The following FBXL5 variants were observed in gnomAD, a reference collection of about 807,000 sequenced individuals.
FBXL5 encodes F-box and leucine rich repeat protein 5.
FBXL5 carries 26 observed loss-of-function variants against 78.3 expected under a neutral mutation model. That is an observed-to-expected ratio of 0.33 (90% CI 0.24 to 0.46). The LOEUF (loss-of-function observed/expected upper bound fraction) is 0.46, where lower values mean the gene tolerates loss of function less well. Among genes scored for constraint, FBXL5 ranks in the 20% least tolerant of loss-of-function variants. FBXL5 has a pLI of 1.00. For synonymous variants in FBXL5, 295 were observed against 282.5 expected, an observed-to-expected ratio of 1.04 and a Z score of -0.45; for missense variants, 710 against 829.2, an observed-to-expected ratio of 0.86 and a Z score of 1.77.
At chr4:15,650,326 T>A (rs1715844556) in intron 1 of FBXL5, among the ~76,000 whole-genome samples, 1 of 152,216 alleles carries the variant, frequency 6.6e-6, no homozygotes, top group African/African-American at 2.4e-5. Context: ...GCAATCCAGA[T>A]TCACACGCAT....
At chr4:15,613,976 G>GT (rs1372981010) in intron 9 of FBXL5, among the ~76,000 whole-genome samples, 1 of 152,082 alleles carries the variant, frequency 6.6e-6, no homozygotes, top group African/African-American at 2.4e-5. Context: ...TCCACTGCTG[G>GT]TGAGCTAGTG....
At chr4:15,609,106 T>A (rs1722070869) in intron 10 of FBXL5, among the ~76,000 whole-genome samples, 1 of 152,184 alleles carries the variant, frequency 6.6e-6, no homozygotes, top group South Asian at 2.1e-4. Flanking sequence ...GATTGCCAGG[T>A]AGACAGCTAT....
intron 4 of FBXL5, 112 bp from the exon 5 acceptor site, chr4:15,636,788 G>T: frequency 1.4e-6 from 1 of 708,750 alleles, no homozygotes; most frequent in Non-Finnish European, 2.2e-6. Context: ...ATTCCTTCCT[G>T]CTTGCAAGAT....
intron 1 of FBXL5, among the ~76,000 whole-genome samples, chr4:15,650,361 G>A (rs1051419882): frequency 1.3e-5 from 2 of 152,076 alleles, no homozygotes; most frequent in Admixed American, 1.3e-4. Flanking sequence ...ACAAATTTCA[G>A]GGAACAGTAT....
upstream of FBXL5, among the ~76,000 whole-genome samples, chr4:15,663,128 T>C (rs536605143): frequency 6.6e-6 from 1 of 152,364 alleles, no homozygotes; most frequent in South Asian, 2.1e-4. Flanking sequence ...GCCAGTCTTT[T>C]ACTGAAAATT....
At chr4:15,656,434 C>A, upstream of FBXL5, 1 of 381,716 alleles carries the variant, frequency 2.6e-6, no homozygotes, top group Non-Finnish European at 5.2e-6. Flanking sequence ...TCCAGGAGGG[C>A]AAGAACCAGA....
intron 6 of FBXL5, among the ~76,000 whole-genome samples, chr4:15,628,550 AATTGT>A (rs1311857929): frequency 1.3e-5 from 2 of 152,244 alleles, no homozygotes; most frequent in African/African-American, 4.8e-5. Flanking sequence ...AAGAATGAAT[AATTGT>A]ATTGTATTAC....
chr4:15,605,666 T>G lies in FBXL5; in HGVS notation c.*57A>C, dbSNP rs1178397317. On this transcript the variant is annotated 3_prime_UTR_variant, in exon 11 of 11. Coordinates refer to ENST00000341285, the MANE Select transcript of FBXL5 (RefSeq NM_012161.4). ...CACAAGAAATGTGCTATGAGTAAAG[T>G]GCATGAAAGAAAGCCTGCTCAGCTA... The G allele has an allele frequency of 2.8e-6, 4 of 1,440,758 alleles. No homozygotes were observed. The highest frequency in any genetic ancestry group is 3.9e-6 in the Non-Finnish European group (4 of 1,026,510). 89.2% of individuals were successfully genotyped at this position (1,440,758 alleles called of 1,614,324 possible).
intron 1 of FBXL5, among the ~76,000 whole-genome samples, chr4:15,649,077 A>G (rs1715657169): frequency 6.6e-6 from 1 of 152,188 alleles, no homozygotes; most frequent in Admixed American, 6.5e-5. Context: ...AATACAAAAT[A>G]TTTTGTACAA....
chr4:15,628,170 G>T, intron 6 of FBXL5, 137 bp from the exon 7 acceptor site: 1 of 855,460 alleles, frequency 1.2e-6, no homozygotes, highest in Non-Finnish European at 1.7e-6. Flanking sequence ...CCATTTTTAG[G>T]CAATGAAAAG....
chr4:15,677,065 T>C (rs139375509), intron 1 of FBXL5, among the ~76,000 whole-genome samples: 169 of 152,286 alleles, frequency 1.1e-3, no homozygotes, highest in African/African-American at 3.9e-3. Context: ...GATATACCGC[T>C]AGATAGCGTT....
rs749776472 is a variant in FBXL5, at chr4:15,625,981, T to C, written c.1125-4A>G. 6.4e-7 allele frequency: 1 copy of C among 1,554,014 alleles called. No homozygotes were observed. The highest frequency in any genetic ancestry group is 8.6e-7 in the Non-Finnish European group (1 of 1,156,510). On this transcript the variant is annotated splice_polypyrimidine_tract_variant and splice_region_variant and intron_variant, in intron 8 of 10. Transcript: ENST00000341285. ...GCAGCAACCAAGCCAAGACCAACTA[T>C]AATTAAAAGACAAGACTATTAATGA...
At chr4:15,631,198 A>T (rs1316054859) in intron 5 of FBXL5, among the ~76,000 whole-genome samples, 1 of 152,050 alleles carries the variant, frequency 6.6e-6, no homozygotes, top group Non-Finnish European at 1.5e-5. Context: ...ACAGTTTGCT[A>T]AGACTGATGG....
At chr4:15,613,486 A>T (rs560366204) in intron 9 of FBXL5, among the ~76,000 whole-genome samples, 1 of 152,148 alleles carries the variant, frequency 6.6e-6, no homozygotes, top group Non-Finnish European at 1.5e-5. Context: ...AAGGCCAGAG[A>T]AGTTTTCCTT....
chr4:15,680,713 A>G (rs973505545), intron 1 of FBXL5, among the ~76,000 whole-genome samples: 1 of 152,040 alleles, frequency 6.6e-6, no homozygotes, highest in African/African-American at 2.4e-5. Flanking sequence ...AGAATCAAAA[A>G]TTTTTAAAAA....
chr4:15,621,633 A>G (rs1235895561), intron 9 of FBXL5, among the ~76,000 whole-genome samples: 1 of 152,218 alleles, frequency 6.6e-6, no homozygotes, highest in African/African-American at 2.4e-5. Context: ...CAAAAGGACA[A>G]GTATTGTATG....
rs748932339 is a variant in FBXL5, at chr4:15,605,729, G to A, written c.2070C>T (p.Gly690=). 11 of 1,613,120 alleles carry A rather than the reference G, an allele frequency of 6.8e-6. No individual in the cohort carries two copies. The highest frequency in any genetic ancestry group is 1.6e-4 in the Middle Eastern group (1 of 6,080). ...QCGFRACCRS[G]E is the part of the protein sequence containing the mutation. ...AAAGATCAGAAGTCAAGGGTCATTCGCCAGAGCGGCAGCAGGCTCGAAAAC... is the reference window on the plus strand; with the variant it reads ...AAAGATCAGAAGTCAAGGGTCATTCACCAGAGCGGCAGCAGGCTCGAAAAC... Residue 690 remains glycine (G), a synonymous_variant, in exon 11 of 11, where the codon GGC becomes GGT. Transcript: ENST00000341285.
intron 1 of FBXL5, among the ~76,000 whole-genome samples, chr4:15,649,843 TAACA>T (rs998569307): frequency 2.6e-5 from 4 of 152,018 alleles, no homozygotes; most frequent in Non-Finnish European, 4.4e-5. Flanking sequence ...TTTTACAGAC[TAACA>T]AACAGAGTCT....
rs767819572 is a variant in FBXL5 at position 15,644,661 on chromosome 4, C to A, written c.132G>T (p.Leu44=). The part of the protein sequence containing the change: ...FSNNNDFRAL[L]QSLYATFKEF... Reference sequence around the variant, plus strand: ...CCTTGAAAGTAGCATACAAAGACTGCAGAAGAGCACGGAAATCGTTGTTGT... The same window carrying A: ...CCTTGAAAGTAGCATACAAAGACTGAAGAAGAGCACGGAAATCGTTGTTGT... The change falls in exon 2 of 11, where the codon CTG becomes CTT. Residue 44 remains leucine (L), a synonymous_variant. Transcript: ENST00000341285. 4.3e-6 allele frequency: 7 copies of A among 1,613,044 alleles called. No individual in the cohort carries two copies. The highest frequency in any genetic ancestry group is 8.5e-7 in the Non-Finnish European group (1 of 1,179,504).
Sources: allele counts gnomAD v4.1 joint callset (sites outside exome capture counted in the v4.1 genomes callset), GRCh38; gene constraint gnomAD v4.1.1; transcripts MANE v1.5; gene names NCBI Gene and HGNC (gene_info 2026-07-23, HGNC 2026-07-21).